The following OR1E1 variants were observed in gnomAD, a reference collection of about 807,000 sequenced individuals.
OR1E1 encodes the protein olfactory receptor family 1 subfamily E member 1, also known as olfactory receptor 1E1.
For synonymous variants in OR1E1, 125 were observed against 153.1 expected (o/e 0.82, Z 1.36); for missense variants, 330 against 381.0 (o/e 0.87, Z 1.11).
In OR1E1 at chr17:3,398,140, A is replaced by G; in HGVS notation, c.271T>C (p.Ser91Pro). ...GTCAGGCAGTCCGCATAGGGGATGG[A>G]TGGGTCCTGGTTCTGCATGTTCTGT... ...LLQNMQNQDP[S>P]IPYADCLTQM... Residue 91 changes from serine to proline, a missense_variant, in exon 1 of 1, where the codon TCC becomes CCC. Coordinates refer to ENST00000322608, the MANE Select transcript of OR1E1 (RefSeq NM_003553.3). The G allele has an allele frequency of 1.2e-6, 2 of 1,614,214 alleles. No homozygotes were observed. Among genetic ancestry groups the G allele is most frequent in the Non-Finnish European group, 1.7e-6 (2 of 1,180,030 alleles).
Position 3,397,808 on chromosome 17 carries a change from G to C in OR1E1, c.603C>G (p.Ile201Met). 6.2e-7 allele frequency: 1 copy of C among 1,614,008 alleles called. No individual in the cohort carries two copies. The highest frequency in any genetic ancestry group is 8.5e-7 in the Non-Finnish European group (1 of 1,179,896). Residue 201 changes from isoleucine (I) to methionine (M), a missense_variant, in exon 1 of 1, where the codon ATC becomes ATG. Physicochemically the swap from Ile to Met is conservative, Grantham distance 10. Coordinates refer to ENST00000322608, the MANE Select transcript of OR1E1 (RefSeq NM_003553.3). ...GGATGACAAGAATGAGCCCTCCCAT[G>C]ATAAATATCACCCATTCATTAACTC... is the stretch of plus-strand genomic sequence containing the variant. ...DTRVNEWVIF[I>M]MGGLILVIPF... is the part of the protein sequence containing the mutation.
chr17:3,398,012 G>C lies in OR1E1; in HGVS notation c.399C>G (p.Thr133=), dbSNP rs368925577. The C allele has an allele frequency of 1.2e-5, 20 of 1,614,040 alleles. No homozygotes were observed. The African/African-American group carries it at 2.0e-4, about 16-fold the overall frequency. ...YVAICFPLHY[T]AIMSPMLCLA... ...GACAGAGCATGGGGCTCATGATGGC[G>C]GTGTAGTGCAGGGGGAAGCAGATGG... Residue 133 remains threonine (T), a synonymous_variant, in exon 1 of 1, where the codon ACC becomes ACG. Transcript: ENST00000322608.
chr17:3,397,344 T>G lies in OR1E1; in HGVS notation c.*122A>C. 4.9e-6 allele frequency: 4 copies of G among 819,148 alleles called. No individual in the cohort carries two copies. In the South Asian group the frequency reaches 7.8e-5, roughly 16 times the overall value. 50.7% of individuals were successfully genotyped at this position (819,148 alleles called of 1,614,324 possible). Reference sequence around the variant, plus strand: ...GCTATGCTTCATCTCCACTACATATTGAAAAATTATGTACGATGCCATTTC... The same window carrying G: ...GCTATGCTTCATCTCCACTACATATGGAAAAATTATGTACGATGCCATTTC... On this transcript the variant is annotated 3_prime_UTR_variant, in exon 1 of 1. Coordinates refer to ENST00000322608, the MANE Select transcript of OR1E1 (RefSeq NM_003553.3).
Position 3,398,160 on chromosome 17 carries a change from T to G in OR1E1, c.251A>C (p.Asn84Thr), listed in dbSNP as rs1381183894. Residue 84 changes from asparagine (N) to threonine (T), a missense_variant, in exon 1 of 1, where the codon AAC (asparagine) becomes ACC (threonine). Coordinates refer to ENST00000322608, the MANE Select transcript of OR1E1 (RefSeq NM_003553.3). ...SSVTIPKLLQ[N>T]MQNQDPSIPY... ...GATGGATGGGTCCTGGTTCTGCATG[T>G]TCTGTAACAACTTGGGAATGGTCAC... 1.9e-6 allele frequency: 3 copies of G among 1,614,098 alleles called. No individual in the cohort carries two copies. Among genetic ancestry groups the G allele is most frequent in the Non-Finnish European group, 2.5e-6 (3 of 1,180,050 alleles).
Position 3,397,788 on chromosome 17 carries a change from A to G in OR1E1, c.623T>C (p.Val208Ala). The stretch of plus-strand genomic sequence containing the variant: ...CCCAAGGATGAGTAGGAATGGGATG[A>G]CAAGAATGAGCCCTCCCATGATAAA... Reference protein sequence around the residue: ...VIFIMGGLILVIPFLLILGSY... With the variant: ...VIFIMGGLILAIPFLLILGSY... Residue 208 changes from valine to alanine, a missense_variant, in exon 1 of 1, where the codon GTC becomes GCC. Val to Ala is a moderately conservative substitution (Grantham distance 64). Coordinates refer to ENST00000322608, the MANE Select transcript of OR1E1 (RefSeq NM_003553.3). 6.2e-7 allele frequency: 1 copy of G among 1,614,026 alleles called. No homozygotes were observed. The highest frequency in any genetic ancestry group is 2.2e-5 in the East Asian group (1 of 44,890).
chr17:3,397,429 T>C lies in OR1E1; in HGVS notation c.*37A>G. 7.2e-7 allele frequency: 1 copy of C among 1,396,618 alleles called. No homozygotes were observed. Among genetic ancestry groups the C allele is most frequent in the South Asian group, 1.3e-5 (1 of 78,052 alleles). The allele number at this position is 1,396,618 out of a possible 1,614,324, so 86.5% of individuals were successfully genotyped here. On this transcript the variant is annotated 3_prime_UTR_variant, in exon 1 of 1. Coordinates refer to ENST00000322608, the MANE Select transcript of OR1E1 (RefSeq NM_003553.3). Reference sequence around the variant, plus strand: ...TATTCCAATATTAATATCAATATTTTACTGGATAAACTATGTAATAGCTCC... The same window carrying C: ...TATTCCAATATTAATATCAATATTTCACTGGATAAACTATGTAATAGCTCC...
At position 3,398,171 on chromosome 17, in the gene OR1E1, C is replaced by T. The variant is rs1361028105; in HGVS notation, c.240G>A (p.Lys80=). The T allele has an allele frequency of 1.9e-6, 3 of 1,614,170 alleles. No homozygotes were observed. Among genetic ancestry groups the T allele is most frequent in the East Asian group, 2.2e-5 (1 of 44,890 alleles). ...CCTGGTTCTGCATGTTCTGTAACAACTTGGGAATGGTCACGGAAGAGAAGC... is the reference window on the plus strand; with the variant it reads ...CCTGGTTCTGCATGTTCTGTAACAATTTGGGAATGGTCACGGAAGAGAAGC... ...DLCFSSVTIP[K]LLQNMQNQDP... The change falls in exon 1 of 1, where the codon AAG becomes AAA. Residue 80 remains lysine, a synonymous_variant. Transcript: ENST00000322608.
rs1172778701 is a variant in OR1E1, at chr17:3,398,290, C to A, written c.121G>T (p.Gly41Trp). Residue 41 changes from glycine (G) to tryptophan (W), a missense_variant, in exon 1 of 1, where the codon GGG (glycine) becomes TGG (tryptophan). Physicochemically the swap from Gly to Trp is radical, Grantham distance 184 (BLOSUM62 -2). Coordinates refer to ENST00000322608, the MANE Select transcript of OR1E1 (RefSeq NM_003553.3). ...FLAMYLTTLL[G>W]NLLIIVLIRL... is the part of the protein sequence containing the mutation. Reference sequence around the variant, plus strand: ...ATGAGGACAATGATGAGGAGGTTCCCCAGGAGGGTGGTAAGATACATGGCC... The same window carrying A: ...ATGAGGACAATGATGAGGAGGTTCCACAGGAGGGTGGTAAGATACATGGCC... The A allele has an allele frequency of 1.2e-6, 2 of 1,614,036 alleles. No individual in the cohort carries two copies. Among genetic ancestry groups the A allele is most frequent in the South Asian group, 2.2e-5 (2 of 91,066 alleles).
Position 3,398,112 on chromosome 17 carries a change from T to C in OR1E1, c.299A>G (p.Gln100Arg), listed in dbSNP as rs766076462. Residue 100 changes from glutamine to arginine, a missense_variant, in exon 1 of 1, where the codon CAA (glutamine) becomes CGA (arginine). By Grantham distance (43) the Gln-to-Arg change is conservative. Coordinates refer to ENST00000322608, the MANE Select transcript of OR1E1 (RefSeq NM_003553.3). Reference protein sequence around the residue: ...PSIPYADCLTQMYFFLLFGDL... With the variant: ...PSIPYADCLTRMYFFLLFGDL... ...TCCAAATAACAGGAAGAAGTACATT[T>C]GGGTCAGGCAGTCCGCATAGGGGAT... 1.1e-5 allele frequency: 17 copies of C among 1,613,816 alleles called. No homozygotes were observed. Among genetic ancestry groups the C allele is most frequent in the Non-Finnish European group, 1.4e-5 (17 of 1,180,038 alleles).
rs766138437 is a variant in OR1E1 at position 3,397,833 on chromosome 17, C to T, written c.578G>A (p.Arg193Gln). ...GATAAATATCACCCATTCATTAACT[C>T]GAGTGTCAGAGAAGGCCAGCTTCAG... The part of the protein sequence containing the change: ...ALLKLAFSDT[R>Q]VNEWVIFIMG... The change falls in exon 1 of 1, where the codon CGA becomes CAA. Residue 193 changes from arginine (R) to glutamine (Q), a missense_variant. Coordinates refer to ENST00000322608, the MANE Select transcript of OR1E1 (RefSeq NM_003553.3). 4.2e-5 allele frequency: 67 copies of T among 1,613,922 alleles called. No homozygotes were observed. Among genetic ancestry groups the T allele is most frequent in the Non-Finnish European group, 2.2e-5 (26 of 1,179,942 alleles).
rs746719365 is a variant in OR1E1 at position 3,398,395 on chromosome 17, G to T, written c.16C>A (p.Gln6Lys). The stretch of plus-strand genomic sequence containing the variant: ...AGCAGGAAGTCTGAGATGCTGGTTT[G>T]ATTTTGTCCCATCATGCTCTGTCTC... MMGQN[Q>K]TSISDFLLLG... Residue 6 changes from glutamine to lysine, a missense_variant, in exon 1 of 1, where the codon CAA (glutamine) becomes AAA (lysine). By Grantham distance (53) the Gln-to-Lys change is moderately conservative. Coordinates refer to ENST00000322608, the MANE Select transcript of OR1E1 (RefSeq NM_003553.3). 1 of 1,607,270 alleles carries T rather than the reference G, an allele frequency of 6.2e-7. No individual in the cohort carries two copies. The highest frequency in any genetic ancestry group is 1.1e-5 in the South Asian group (1 of 90,766).
Position 3,398,332 on chromosome 17 carries a change from A to C in OR1E1, c.79T>G (p.Cys27Gly), listed in dbSNP as rs62091316. Residue 27 changes from cysteine to glycine, a missense_variant, in exon 1 of 1, where the codon TGC becomes GGC. Cys to Gly is a radical substitution (Grantham distance 159). Coordinates refer to ENST00000322608, the MANE Select transcript of OR1E1 (RefSeq NM_003553.3). ...LPIQPEQQNL[C>G]YALFLAMYLT... ...TACATGGCCAAGAACAGGGCATAGC[A>C]CAGGTTTTGCTGCTCTGGTTGGATG... 1.2e-6 allele frequency: 2 copies of C among 1,613,742 alleles called. No individual in the cohort carries two copies. The highest frequency in any genetic ancestry group is 8.5e-7 in the Non-Finnish European group (1 of 1,179,748).
chr17:3,397,803 C>A lies in OR1E1; in HGVS notation c.608G>T (p.Gly203Val). Residue 203 changes from glycine (G) to valine (V), a missense_variant, in exon 1 of 1, where the codon GGA becomes GTA. Coordinates refer to ENST00000322608, the MANE Select transcript of OR1E1 (RefSeq NM_003553.3). ...GAATGGGATGACAAGAATGAGCCCT[C>A]CCATGATAAATATCACCCATTCATT... ...RVNEWVIFIM[G>V]GLILVIPFLL... 6.2e-7 allele frequency: 1 copy of A among 1,613,968 alleles called. No homozygotes were observed. Among genetic ancestry groups the A allele is most frequent in the Non-Finnish European group, 8.5e-7 (1 of 1,179,884 alleles).
chr17:3,397,614 C>A lies in OR1E1; in HGVS notation c.797G>T (p.Ser266Ile). The A allele has an allele frequency of 6.2e-7, 1 of 1,614,032 alleles. No individual in the cohort carries two copies. The highest frequency in any genetic ancestry group is 1.1e-5 in the South Asian group (1 of 91,076). ...CATGACAGTGTCCTTTAGAGTAGAACTATTAGCTGATGAGCATAAGTAGAG... is the reference window on the plus strand; with the variant it reads ...CATGACAGTGTCCTTTAGAGTAGAAATATTAGCTGATGAGCATAAGTAGAG... ...IGLYLCSSAN[S>I]STLKDTVMAM... The change falls in exon 1 of 1, where the codon AGT becomes ATT. Residue 266 changes from serine (S) to isoleucine (I), a missense_variant. Coordinates refer to ENST00000322608, the MANE Select transcript of OR1E1 (RefSeq NM_003553.3).
rs1185299366 is a variant in OR1E1 at position 3,397,820 on chromosome 17, C to T, written c.591G>A (p.Trp197Ter). 1 of 1,613,980 alleles carries T rather than the reference C, an allele frequency of 6.2e-7. No individual in the cohort carries two copies. Among genetic ancestry groups the T allele is most frequent in the African/African-American group, 1.3e-5 (1 of 75,036 alleles). Residue 197 changes from tryptophan (W) to a stop codon, truncating the protein, a stop_gained, in exon 1 of 1, where the codon TGG becomes TGA. Coordinates refer to ENST00000322608, the MANE Select transcript of OR1E1 (RefSeq NM_003553.3). LOFTEE classifies it low-confidence loss of function (END_TRUNC). ...LAFSDTRVNEWVIFIMGGLIL... is the reference protein window; with the variant it reads ...LAFSDTRVNE ...TGAGCCCTCCCATGATAAATATCAC[C>T]CATTCATTAACTCGAGTGTCAGAGA...
In OR1E1 at chr17:3,398,055, G is replaced by C. The variant is rs753269480; in HGVS notation, c.356C>G (p.Ala119Gly). 4 of 1,614,220 alleles carry C rather than the reference G, an allele frequency of 2.5e-6. No individual in the cohort carries two copies. Among genetic ancestry groups the C allele is most frequent in the Non-Finnish European group, 1.7e-6 (2 of 1,180,024 alleles). ...DLESFLLVAM[A>G]YDRYVAICFP... ...GCAGATGGCCACATAGCGGTCATAG[G>C]CCATGGCCACAAGGAGGAAGCTCTC... is the stretch of plus-strand genomic sequence containing the variant. Residue 119 changes from alanine (A) to glycine (G), a missense_variant, in exon 1 of 1, where the codon GCC becomes GGC. Ala to Gly is a moderately conservative substitution (Grantham distance 60). Transcript: ENST00000322608.
chr17:3,397,161 GTAACA>G lies in OR1E1; in HGVS notation c.*300_*304del, dbSNP rs1297748889. ...TTCTACAATCAAAGCAAAATTCTGA[GTAACA>G]TAACAAAATCCTGTGATAATTTAAG... On this transcript the variant is annotated 3_prime_UTR_variant, in exon 1 of 1. Transcript: ENST00000322608. The G allele has an allele frequency of 4.2e-6, 1 of 237,512 alleles. No homozygotes were observed. Among genetic ancestry groups the G allele is most frequent in the East Asian group, 8.8e-5 (1 of 11,344 alleles). The allele number at this position is 237,512 out of a possible 1,614,324, so 14.7% of individuals were successfully genotyped here. A position where few individuals can be genotyped will look rare whatever the true frequency, so the allele number is the denominator to read the frequency against.
rs769881844 is a variant in OR1E1 at position 3,398,178 on chromosome 17, A to C, written c.233T>G (p.Ile78Ser). Residue 78 changes from isoleucine (I) to serine (S), a missense_variant, in exon 1 of 1, where the codon ATT becomes AGT. Physicochemically the swap from Ile to Ser is moderately radical, Grantham distance 142. Coordinates refer to ENST00000322608, the MANE Select transcript of OR1E1 (RefSeq NM_003553.3). The part of the protein sequence containing the change: ...FSDLCFSSVT[I>S]PKLLQNMQNQ... The stretch of plus-strand genomic sequence containing the variant: ...CTGCATGTTCTGTAACAACTTGGGA[A>C]TGGTCACGGAAGAGAAGCAGAGGTC... 1 of 1,614,252 alleles carries C rather than the reference A, an allele frequency of 6.2e-7. No homozygotes were observed. Among genetic ancestry groups the C allele is most frequent in the Non-Finnish European group, 8.5e-7 (1 of 1,180,044 alleles).
chr17:3,398,253 G>A lies in OR1E1; in HGVS notation c.158C>T (p.Ser53Phe), dbSNP rs1278048648. Residue 53 changes from serine to phenylalanine, a missense_variant, in exon 1 of 1, where the codon TCC (serine) becomes TTC (phenylalanine). Ser to Phe is a radical substitution (Grantham distance 155). Transcript: ENST00000322608. ...LLIIVLIRLD[S>F]HLHTPMYLFL... ...CAAATACATAGGCGTGTGGAGATGG[G>A]AGTCCAGTCGAATGAGGACAATGAT... The A allele has an allele frequency of 1.2e-6, 2 of 1,614,194 alleles. No individual in the cohort carries two copies. Among genetic ancestry groups the A allele is most frequent in the East Asian group, 4.5e-5 (2 of 44,882 alleles).
Sources: allele counts gnomAD v4.1 joint callset, GRCh38; gene constraint gnomAD v4.1.1; transcripts MANE v1.5; gene names NCBI Gene and HGNC (gene_info 2026-07-23, HGNC 2026-07-21).